AGBL4: variants seen among roughly 807,000 people sequenced by gnomAD.
AGBL4 encodes cytosolic carboxypeptidase 6.
AGBL4 carries 58 observed loss-of-function variants against 66.4 expected under a neutral mutation model. The ratio of observed to expected loss-of-function variants is 0.87; its 90% CI spans 0.71 to 1.09. The LOEUF is 1.09. AGBL4 is among the 50% of genes least tolerant of loss of function. AGBL4 has a pLI of 0.00. For missense variants in AGBL4, 579 were observed against 631.0 expected, an observed-to-expected ratio of 0.92 and a Z score of 0.88; for synonymous variants, 234 against 222.9, an observed-to-expected ratio of 1.05 and a Z score of -0.44.
intron 11 of AGBL4, among the ~76,000 whole-genome samples, chr1:48,547,521 G>C (rs1352245023): frequency 6.6e-6 from 1 of 152,110 alleles, no homozygotes; most frequent in Non-Finnish European, 1.5e-5. Flanking sequence ...TCAGGGGAGA[G>C]ATTAGGAGGT....
At chr1:49,219,840 A>G (rs553050418) in intron 4 of AGBL4, among the ~76,000 whole-genome samples, 1 of 152,282 alleles carries the variant, frequency 6.6e-6, no homozygotes, top group South Asian at 2.1e-4. Context: ...GTTGCTTTCC[A>G]TTAGTCAATC....
chr1:48,950,210 C>A (rs971773317), intron 5 of AGBL4, among the ~76,000 whole-genome samples: 1 of 152,156 alleles, frequency 6.6e-6, no homozygotes, highest in African/African-American at 2.4e-5. Context: ...AATTCTCCTG[C>A]CTCAGTCTCC....
intron 5 of AGBL4, among the ~76,000 whole-genome samples, chr1:48,989,121 T>A (rs1660408818): frequency 6.6e-6 from 1 of 152,188 alleles, no homozygotes; most frequent in Admixed American, 6.5e-5. Flanking sequence ...CTACTCTCTG[T>A]TGTCACAGAT....
intron 5 of AGBL4, among the ~76,000 whole-genome samples, chr1:48,911,888 G>A (rs1653159796): frequency 6.6e-6 from 1 of 152,154 alleles, no homozygotes; most frequent in East Asian, 1.9e-4. Flanking sequence ...ATTGGACCCT[G>A]AGTTACTACT....
At chr1:49,418,530 TAAC>T (rs902986716) in intron 3 of AGBL4, among the ~76,000 whole-genome samples, 1 of 152,164 alleles carries the variant, frequency 6.6e-6, no homozygotes, top group Non-Finnish European at 1.5e-5. Context: ...AAAGAACATG[TAAC>T]AACAACAACA....
At chr1:48,531,082 G>A (rs4926740), downstream of AGBL4, among the ~76,000 whole-genome samples, 132,950 of 152,148 alleles carry the variant, frequency 0.87, 58,632 homozygotes, top group Non-Finnish European at 0.94. Context: ...AGACCACACA[G>A]AGGGCTGCTG....
chr1:48,815,941 A>G (rs2148763658), intron 6 of AGBL4, among the ~76,000 whole-genome samples: 1 of 152,294 alleles, frequency 6.6e-6, no homozygotes, highest in Non-Finnish European at 1.5e-5. Context: ...GTTCTCTAAA[A>G]TATCTCTAAT....
intron 6 of AGBL4, among the ~76,000 whole-genome samples, chr1:48,852,222 CT>C (rs1477222790): frequency 6.6e-6 from 1 of 152,116 alleles, no homozygotes; most frequent in Non-Finnish European, 1.5e-5. Flanking sequence ...AAAGTTTCCA[CT>C]GCATTTTAGA....
At chr1:49,906,882 C>A (rs1439459041) in intron 1 of AGBL4, among the ~76,000 whole-genome samples, 3 of 152,018 alleles carry the variant, frequency 2.0e-5, no homozygotes, top group African/African-American at 7.2e-5. Context: ...GTATGAAATT[C>A]TGGTCTTGGA....
chr1:49,659,840 A>C (rs1646232362), intron 3 of AGBL4, among the ~76,000 whole-genome samples: 1 of 152,138 alleles, frequency 6.6e-6, no homozygotes, highest in Admixed American at 6.6e-5. Context: ...CATGGCACTT[A>C]CTCTAAAATC....
At chr1:49,655,725 G>C (rs1646112794) in intron 3 of AGBL4, among the ~76,000 whole-genome samples, 1 of 152,182 alleles carries the variant, frequency 6.6e-6, no homozygotes, top group Non-Finnish European at 1.5e-5. Flanking sequence ...GAAGGAGATA[G>C]AGATACAAAA....
chr1:48,967,649 T>A (rs1234374817), intron 5 of AGBL4, among the ~76,000 whole-genome samples: 1 of 152,150 alleles, frequency 6.6e-6, no homozygotes, highest in African/African-American at 2.4e-5. Context: ...ATGCCCTTTT[T>A]AAAGTTCAAT....
chr1:49,224,340 G>T (rs909790868), intron 4 of AGBL4, among the ~76,000 whole-genome samples: 2 of 152,082 alleles, frequency 1.3e-5, no homozygotes, highest in South Asian at 4.1e-4. Flanking sequence ...TTGGCCGGCC[G>T]GACGCGGTGA....
At chr1:48,815,927 C>A (rs1646162289) in intron 6 of AGBL4, among the ~76,000 whole-genome samples, 2 of 152,136 alleles carry the variant, frequency 1.3e-5, no homozygotes, top group South Asian at 4.1e-4. Flanking sequence ...GAAAGCAAAT[C>A]TTGGTTCTCT....
At chr1:49,816,845 G>C (rs143995776) in intron 2 of AGBL4, among the ~76,000 whole-genome samples, 1 of 152,182 alleles carries the variant, frequency 6.6e-6, no homozygotes, top group South Asian at 2.1e-4. Context: ...GGCAGACTGG[G>C]ATAGAAGTCA....
chr1:49,257,707 T>G (rs1293495399), intron 3 of AGBL4, among the ~76,000 whole-genome samples: 1 of 152,180 alleles, frequency 6.6e-6, no homozygotes, highest in East Asian at 1.9e-4. Context: ...CACTCCCCAG[T>G]GAGATGAACC....
intron 7 of AGBL4, among the ~76,000 whole-genome samples, chr1:48,657,745 C>A (rs319997): frequency 0.5 from 75,415 of 152,124 alleles, 19,971 homozygotes; most frequent in Middle Eastern, 0.66. Context: ...GCTGAAAGCA[C>A]CCAACCTTGA....
At chr1:48,892,241 G>A (rs560185085) in intron 5 of AGBL4, among the ~76,000 whole-genome samples, 1 of 152,264 alleles carries the variant, frequency 6.6e-6, no homozygotes, top group South Asian at 2.1e-4. Context: ...GACTGTCTGT[G>A]TCCTTGTGTC....
rs201936819 is a variant in AGBL4, at chr1:48,888,849, G to A, written c.595-21619C>T. On this transcript the variant is annotated intron_variant, in intron 5 of 13. Transcript: ENST00000371839. ...TGGTGCCTGGCGCATAGTAGGCATCGAATAAATATCTATGAAAATAATAAA... is the reference window on the plus strand; with the variant it reads ...TGGTGCCTGGCGCATAGTAGGCATCAAATAAATATCTATGAAAATAATAAA... Among the ~76,000 whole-genome samples the A allele has an allele frequency of 4.6e-4, 70 of 152,260 alleles. No homozygotes were observed. In the East Asian group the frequency reaches 6.4e-3, roughly 14 times the overall value.
Sources: gnomAD v4.1 joint callset for allele counts (sites outside exome capture counted in the v4.1 genomes callset) on GRCh38, gnomAD v4.1.1 for gene constraint, MANE v1.5 for transcripts, NCBI Gene and HGNC (gene_info 2026-07-23, HGNC 2026-07-21) for gene names.